The following NOL4L variants were observed in gnomAD, a reference collection of about 807,000 sequenced individuals.
The protein encoded by NOL4L is nucleolar protein 4 like, also known as nucleolar protein 4-like.
In NOL4L, 7 loss-of-function variants were observed where a neutral mutation model predicts 64.5. The ratio of observed to expected loss-of-function variants is 0.11; its 90% CI spans 0.06 to 0.20. NOL4L has a LOEUF of 0.20. Among genes scored for constraint, NOL4L ranks in the 10% least tolerant of loss-of-function variants. The pLI is 1.00. For missense variants in NOL4L, 680 were observed against 967.1 expected (o/e 0.70, Z 3.94); for synonymous variants, 413 against 401.0 (o/e 1.03, Z -0.36).
chr20:32,521,649 A>G (rs2017938887), intron 2 of NOL4L, among the ~76,000 whole-genome samples: 1 of 152,108 alleles, frequency 6.6e-6, no homozygotes, highest in Non-Finnish European at 1.5e-5. Flanking sequence ...GGAGAGACAC[A>G]AAGAAGGGAG....
chr20:32,488,827 T>TTCTTTCTCTTTC (rs11483298), intron 4 of NOL4L, among the ~76,000 whole-genome samples: 1 of 33,136 alleles, frequency 3.0e-5, no homozygotes. Flanking sequence ...CTTTCTTTCT[T>TTCTTTCTCTTTC]TTTCTTTCTT....
chr20:32,445,523 T>A lies in NOL4L; in HGVS notation c.*2073A>T, dbSNP rs1192846081. 6.6e-6 allele frequency: 1 copy of A among 152,256 alleles called. No homozygotes were observed. The allele number at this position is 152,256 out of a possible 1,614,324, so 9.4% of individuals were successfully genotyped here. On this transcript the variant is annotated 3_prime_UTR_variant, in exon 11 of 11. Coordinates refer to ENST00000621426, the MANE Select transcript of NOL4L (RefSeq NM_001256798.2). ...CATTTTTGCAAAAGATCTTACTGAT[T>A]ACTTTGTAGTATTGTTCACACACAA...
chr20:32,453,559 T>C lies in NOL4L; in HGVS notation c.1305+17A>G, dbSNP rs1342539551. On this transcript the variant is annotated intron_variant, in intron 7 of 10. Transcript: ENST00000621426. The surrounding 1 kb of genome is among the most constrained non-coding windows in gnomAD (Gnocchi z 5.6). The stretch of plus-strand genomic sequence containing the variant: ...CTTGCCCCCATCCCACCCCACCTGT[T>C]TCCGGCCGGTGCTCACGTTGAAGGC... The C allele has an allele frequency of 6.2e-7, 1 of 1,613,688 alleles. No individual in the cohort carries two copies. Among genetic ancestry groups the C allele is most frequent in the African/African-American group, 1.3e-5 (1 of 74,928 alleles).
intron 4 of NOL4L, among the ~76,000 whole-genome samples, chr20:32,481,372 G>A (rs958673290): frequency 3.7e-4 from 57 of 152,336 alleles, no homozygotes; most frequent in East Asian, 1.5e-3. Context: ...AGGAAGGCTG[G>A]AAGGGAGCCG....
At chr20:32,493,019 G>A (rs1306913637) in intron 4 of NOL4L, among the ~76,000 whole-genome samples, 1 of 152,220 alleles carries the variant, frequency 6.6e-6, no homozygotes, top group Non-Finnish European at 1.5e-5. Context: ...GTCAGATGCA[G>A]CCAGAGATTT....
At chr20:32,459,007 G>A (rs894105491) in intron 5 of NOL4L, among the ~76,000 whole-genome samples, 1 of 152,240 alleles carries the variant, frequency 6.6e-6, no homozygotes, top group Non-Finnish European at 1.5e-5. Flanking sequence ...CCTCGGGGCT[G>A]TGCCCCCGGC....
chr20:32,452,403 C>T lies in NOL4L; in HGVS notation c.1655G>A (p.Arg552Gln), dbSNP rs766380065. 17 of 1,609,290 alleles carry T rather than the reference C, an allele frequency of 1.1e-5. No individual in the cohort carries two copies. Among genetic ancestry groups the T allele is most frequent in the South Asian group, 2.2e-5 (2 of 90,418 alleles). ...EPIALDKQHS[R>Q]DSAAITHSTY... The stretch of plus-strand genomic sequence containing the variant: ...GGAGTGGGTGATGGCTGCGGAGTCC[C>T]GCGAGTGCTGCTTGTCCAGGGCTAT... Residue 552 changes from arginine (R) to glutamine (Q), a missense_variant, in exon 10 of 11, where the codon CGG becomes CAG. This residue lies in a region of NOL4L where 175 missense variants were observed against 227.0 expected (regional missense o/e 0.77). Coordinates refer to ENST00000621426, the MANE Select transcript of NOL4L (RefSeq NM_001256798.2).
chr20:32,499,738 CAAAAAAA>C lies in NOL4L; in HGVS notation c.699+11602_699+11608del, dbSNP rs10692885. On this transcript the variant is annotated intron_variant, in intron 4 of 10. Coordinates refer to ENST00000621426, the MANE Select transcript of NOL4L (RefSeq NM_001256798.2). ...TGGGCAACAGAGGGAGACCTTGTCT[CAAAAAAA>C]AAAAAAAAAAAAAAAGGAACAATTA... 2.0e-3 allele frequency among the ~76,000 whole-genome samples: 104 copies of C among 51,344 alleles called. 1 individual carries two copies. The highest frequency in any genetic ancestry group is 7.5e-3 in the African/African-American group (89 of 11,856). The allele number at this position is 51,344 out of a possible 152,430, so 33.7% of individuals were successfully genotyped here.
At chr20:32,567,933 T>C (rs1235449319) in intron 1 of NOL4L, among the ~76,000 whole-genome samples, 1 of 151,120 alleles carries the variant, frequency 6.6e-6, no homozygotes, top group Admixed American at 6.6e-5. Flanking sequence ...ATCATCATCA[T>C]CATCACCATC....
rs540018737 is a variant in NOL4L, at chr20:32,515,127, T to C, written c.590-3671A>G. On this transcript the variant is annotated intron_variant, in intron 3 of 10. Coordinates refer to ENST00000621426, the MANE Select transcript of NOL4L (RefSeq NM_001256798.2). ...TAAAACAGTGGCCAGGACAGCACCC[T>C]TGGGAGGCGTGAGAAGAGGTCTTCC... Among the ~76,000 whole-genome samples, 22 of 152,214 alleles carry C rather than the reference T, an allele frequency of 1.4e-4. No individual in the cohort carries two copies. The East Asian group carries it at 4.1e-3, about 28-fold the overall frequency.
At chr20:32,451,610 C>T (rs1401385814) in intron 10 of NOL4L, 1 of 152,368 alleles carries the variant, frequency 6.6e-6, no homozygotes, top group African/African-American at 2.4e-5. Flanking sequence ...CTGAATCACC[C>T]AGCTACAGGA....
At chr20:32,569,912 T>C (rs1979656873) in intron 1 of NOL4L, among the ~76,000 whole-genome samples, 1 of 152,186 alleles carries the variant, frequency 6.6e-6, no homozygotes, top group Non-Finnish European at 1.5e-5. Flanking sequence ...AATCAATGAA[T>C]GAATGGATTG....
rs373196165 is a variant in NOL4L, at chr20:32,454,433, C to A, written c.1120-672G>T. Among the ~76,000 whole-genome samples the A allele has an allele frequency of 4.5e-4, 67 of 150,178 alleles. No individual in the cohort carries two copies. In the East Asian group the frequency reaches 8.7e-3, roughly 19 times the overall value. On this transcript the variant is annotated intron_variant, in intron 6 of 10. Coordinates refer to ENST00000621426, the MANE Select transcript of NOL4L (RefSeq NM_001256798.2). ...AGGGAGAGGGAACCGGATCCGGCCTCCCCCAGCAGTCTCCTGTCCTCCAGT... is the reference window on the plus strand; with the variant it reads ...AGGGAGAGGGAACCGGATCCGGCCTACCCCAGCAGTCTCCTGTCCTCCAGT...
At chr20:32,502,639 G>T (rs2016969351) in intron 4 of NOL4L, among the ~76,000 whole-genome samples, 1 of 151,544 alleles carries the variant, frequency 6.6e-6, no homozygotes, top group South Asian at 2.1e-4. Flanking sequence ...GGCCGGGTGT[G>T]GTGGCTCACC....
At chr20:32,527,975 C>T in intron 1 of NOL4L, 62 bp from the exon 2 acceptor site, 2 of 1,360,096 alleles carry the variant, frequency 1.5e-6, no homozygotes, top group African/African-American at 1.5e-5. Context: ...GAACTGGGCC[C>T]TGAGGCCGGG....
chr20:32,481,964 C>CGGGGGGGGGGGGG (rs61641396), intron 4 of NOL4L, among the ~76,000 whole-genome samples: 1 of 27,946 alleles, frequency 3.6e-5, no homozygotes, highest in Non-Finnish European at 7.5e-5. Context: ...TGGGGCGGGG[C>CGGGGGGGGGGGGG]GGGGGGGGGG....
At chr20:32,494,506 C>T (rs1006841415) in intron 4 of NOL4L, among the ~76,000 whole-genome samples, 2 of 152,156 alleles carry the variant, frequency 1.3e-5, no homozygotes, top group African/African-American at 4.8e-5. Flanking sequence ...TCTGCCCAAG[C>T]CTTCGGCATC....
intron 6 of NOL4L, 51 bp downstream of exon 6, chr20:32,456,067 C>T (rs747582199): frequency 1.5e-5 from 21 of 1,447,268 alleles, no homozygotes; most frequent in Admixed American, 2.7e-5. Context: ...ATTCTCGCCT[C>T]GCGACAGCCC....
rs774758184 is a variant in NOL4L at position 32,472,073 on chromosome 20, G to A, written c.841+2528C>T. ...CCTTGGGAGTCCCCACACTCCCGGCGAAAAGAAAAGGCCCAGGTACTCAGA... is the reference window on the plus strand; with the variant it reads ...CCTTGGGAGTCCCCACACTCCCGGCAAAAAGAAAAGGCCCAGGTACTCAGA... On this transcript the variant is annotated intron_variant, in intron 5 of 10. Transcript: ENST00000621426. 3.9e-5 allele frequency among the ~76,000 whole-genome samples: 6 copies of A among 152,292 alleles called. No homozygotes were observed. The East Asian group carries it at 7.7e-4, about 20-fold the overall frequency.
Sources: allele counts gnomAD v4.1 joint callset (sites outside exome capture counted in the v4.1 genomes callset), GRCh38; gene constraint gnomAD v4.1.1; regional missense constraint gnomAD v4.1.1; non-coding constraint Gnocchi (gnomAD v3.1); transcripts MANE v1.5; gene names NCBI Gene and HGNC (gene_info 2026-07-23, HGNC 2026-07-21).